Variants in VSIG4 observed in about 807,000 individuals in gnomAD.
The protein encoded by VSIG4 is V-set and immunoglobulin domain-containing protein 4.
In VSIG4, 34 loss-of-function variants were observed where a neutral mutation model predicts 23.4. The ratio of observed to expected loss-of-function variants is 1.45; its 90% CI spans 1.10 to 1.93. The LOEUF (loss-of-function observed/expected upper bound fraction) is 1.93. Ranked by LOEUF, VSIG4 falls within the 30% of genes most tolerant of loss-of-function variation. VSIG4 has a pLI of 0.00. For missense variants in VSIG4, 433 were observed against 310.8 expected, an observed-to-expected ratio of 1.39 and a Z score of -2.96; for synonymous variants, 169 against 120.3, an observed-to-expected ratio of 1.41 and a Z score of -2.65.
intron 1 of VSIG4, among the ~76,000 whole-genome samples, chrX:66,039,293 CTA>C (rs2085656137): frequency 8.9e-6 from 1 of 111,807 alleles, no homozygotes; most frequent in Non-Finnish European, 1.9e-5. Context: ...AAGGAAGCAT[CTA>C]TGTTCTGTGT....
chrX:66,033,790 A>G lies in VSIG4; in HGVS notation c.96T>C (p.Pro32=). The change falls in exon 2 of 8, where the codon CCT becomes CCC. Residue 32 remains proline, a synonymous_variant. Coordinates refer to ENST00000374737, the MANE Select transcript of VSIG4 (RefSeq NM_007268.3). ...ILEVPESVTG[P]WKGDVNLPCT... ...AGGGAAGATTCACATCCCCTTTCCA[A>G]GGTCCTGTTACACTCTCTGGCACTT... 8.3e-7 allele frequency: 1 copy of G among 1,210,489 alleles called. No individual in the cohort carries two copies. Among genetic ancestry groups the G allele is most frequent in the South Asian group, 1.8e-5 (1 of 56,803 alleles).
At chrX:66,025,181 A>C in intron 5 of VSIG4, 52 bp from the exon 6 acceptor site, 2 of 916,109 alleles carry the variant, frequency 2.2e-6, no homozygotes, top group Non-Finnish European at 3.0e-6. Context: ...AAGGCCAGAA[A>C]CAAAAACTCT....
At chrX:66,029,789 G>C (rs918294723) in intron 3 of VSIG4, among the ~76,000 whole-genome samples, 1 of 111,132 alleles carries the variant, frequency 9.0e-6, no homozygotes, top group African/African-American at 3.3e-5. Context: ...TGAGGAACAG[G>C]TTTGGTGAGT....
At chrX:66,036,079 G>A (rs2085535102) in intron 1 of VSIG4, among the ~76,000 whole-genome samples, 1 of 111,477 alleles carries the variant, frequency 9.0e-6, no homozygotes, top group South Asian at 3.7e-4. Context: ...GAATGAATAG[G>A]ACAGAGTTGG....
At chrX:66,034,213 A>T (rs2085505778) in intron 1 of VSIG4, among the ~76,000 whole-genome samples, 1 of 112,259 alleles carries the variant, frequency 8.9e-6, no homozygotes, top group Non-Finnish European at 1.9e-5. Context: ...ATCCATGAAA[A>T]AATTTTCTTT....
chrX:66,037,757 CGTATATATACTTATTGCTGATAA>C (rs1444300095), intron 1 of VSIG4, among the ~76,000 whole-genome samples: 53 of 80,183 alleles, frequency 6.6e-4, no homozygotes, highest in Admixed American at 5.0e-3. Context: ...ATTACTGATA[CGTATATATACTTATTGCTGATAA>C]GTATATATAC....
intron 5 of VSIG4, among the ~76,000 whole-genome samples, chrX:66,026,485 A>G (rs749073273): frequency 1.8e-5 from 2 of 111,813 alleles, no homozygotes; most frequent in Non-Finnish European, 3.8e-5. Flanking sequence ...GCAATTTCTA[A>G]CTTCTCTTCT....
Position 66,032,534 on chromosome X carries a change from A to C in VSIG4, c.628T>G (p.Phe210Val), listed in dbSNP as rs1380903350. Reference protein sequence around the residue: ...PAVIADSGSYFCTAKGQVGSE... With the variant: ...PAVIADSGSYVCTAKGQVGSE... ...CCAACCTGGCCCTTGGCAGTGCAGA[A>C]ATAGGAGCCTGAGTCGGCTATCACC... The change falls in exon 3 of 8, where the codon TTC becomes GTC. Residue 210 changes from phenylalanine (F) to valine (V), a missense_variant. By Grantham distance (50) the Phe-to-Val change is conservative. Transcript: ENST00000374737. The C allele has an allele frequency of 3.3e-6, 4 of 1,210,341 alleles. No individual in the cohort carries two copies. Among genetic ancestry groups the C allele is most frequent in the South Asian group, 3.5e-5 (2 of 56,849 alleles).
At chrX:66,036,087 T>C (rs1452295488) in intron 1 of VSIG4, among the ~76,000 whole-genome samples, 1 of 111,851 alleles carries the variant, frequency 8.9e-6, no homozygotes, top group Non-Finnish European at 1.9e-5. Flanking sequence ...AGGACAGAGT[T>C]GGTAACTAGA....
chrX:66,025,910 C>T (rs899052434), intron 5 of VSIG4, among the ~76,000 whole-genome samples: 8 of 112,201 alleles, frequency 7.1e-5, no homozygotes, highest in Admixed American at 5.7e-4. Flanking sequence ...GGGAACATAG[C>T]CTTGCTGACT....
At chrX:66,031,534 C>T (rs1382618969) in intron 3 of VSIG4, among the ~76,000 whole-genome samples, 5 of 110,543 alleles carry the variant, frequency 4.5e-5, no homozygotes, top group South Asian at 3.9e-4. Flanking sequence ...GCTAGGTTTA[C>T]GCCCTCTCCT....
At position 66,039,541 on chromosome X, in the gene VSIG4, C is replaced by G. The variant is rs147184893; in HGVS notation, c.55+403G>C. On this transcript the variant is annotated intron_variant, in intron 1 of 7. Transcript: ENST00000374737. ...TCCTATCCAACTCTTAGAAAACACT[C>G]CTTCTTCGGGGGCTGTATATTTTAA... Among the ~76,000 whole-genome samples, 938 of 111,270 alleles carry G rather than the reference C, an allele frequency of 8.4e-3. 6 individuals carry two copies. The highest frequency in any genetic ancestry group is 0.014 in the Non-Finnish European group (754 of 53,006).
At chrX:66,036,176 T>G (rs1278961818) in intron 1 of VSIG4, among the ~76,000 whole-genome samples, 2 of 110,680 alleles carry the variant, frequency 1.8e-5, no homozygotes, top group Non-Finnish European at 1.9e-5. Context: ...TTCCACTCAT[T>G]GTTCCATTAT....
chrX:66,039,976 A>C lies in VSIG4; in HGVS notation c.23T>G (p.Leu8Arg). Residue 8 changes from leucine (L) to arginine (R), a missense_variant, in exon 1 of 8, where the codon CTA (leucine) becomes CGA (arginine). Transcript: ENST00000374737. Reference protein sequence around the residue: MGILLGLLLLGHLTVDTY... With the variant: MGILLGLRLLGHLTVDTY... ...GTCCACTGTTAGGTGCCCCAGGAGT[A>C]GCAGGCCCAGTAAGATCCCCATCAC... 1 of 1,211,710 alleles carries C rather than the reference A, an allele frequency of 8.3e-7. No homozygotes were observed. Among genetic ancestry groups the C allele is most frequent in the South Asian group, 1.8e-5 (1 of 56,964 alleles).
Position 66,033,525 on chromosome X carries a change from C to T in VSIG4, c.361G>A (p.Asp121Asn), listed in dbSNP as rs773781706. ...TTATCTCTCACGACTTGGTTGCCAT[C>T]AGGAGTCTGCCAGGTGACTTCACAC... Reference protein sequence around the residue: ...YTCEVTWQTPDGNQVVRDKIT... With the variant: ...YTCEVTWQTPNGNQVVRDKIT... The change falls in exon 2 of 8, where the codon GAT (aspartate) becomes AAT (asparagine). Residue 121 changes from aspartate (D) to asparagine (N), a missense_variant. Transcript: ENST00000374737. 1 of 1,211,323 alleles carries T rather than the reference C, an allele frequency of 8.3e-7. No individual in the cohort carries two copies. Among genetic ancestry groups the T allele is most frequent in the Non-Finnish European group, 1.1e-6 (1 of 895,262 alleles).
chrX:66,035,509 G>T (rs2085526137), intron 1 of VSIG4, among the ~76,000 whole-genome samples: 1 of 111,201 alleles, frequency 9.0e-6, no homozygotes, highest in Non-Finnish European at 1.9e-5. Context: ...AATCTTAGGT[G>T]GTCAAGTGTT....
chrX:66,033,776 A>G lies in VSIG4; in HGVS notation c.110T>C (p.Val37Ala), dbSNP rs776177852. 9 of 1,211,080 alleles carry G rather than the reference A, an allele frequency of 7.4e-6. No individual in the cohort carries two copies. The highest frequency in any genetic ancestry group is 1.8e-5 in the South Asian group (1 of 56,885). Residue 37 changes from valine to alanine, a missense_variant, in exon 2 of 8, where the codon GTG becomes GCG. Coordinates refer to ENST00000374737, the MANE Select transcript of VSIG4 (RefSeq NM_007268.3). ...GGGGTCATAGGTGCAGGGAAGATTC[A>G]CATCCCCTTTCCAAGGTCCTGTTAC... is the stretch of plus-strand genomic sequence containing the variant. ...ESVTGPWKGDVNLPCTYDPLQ... is the reference protein window; with the variant it reads ...ESVTGPWKGDANLPCTYDPLQ...
chrX:66,036,162 T>C lies in VSIG4; in HGVS notation c.56-2332A>G, dbSNP rs1443774886. Among the ~76,000 whole-genome samples, 6 of 110,944 alleles carry C rather than the reference T, an allele frequency of 5.4e-5. No homozygotes were observed. The East Asian group carries it at 1.7e-3, about 31-fold the overall frequency. ...TTTCCTCTCCCTTCTTCCTCCTTTATTTCTTCCACTCATTGTTCCATTATG... is the reference window on the plus strand; with the variant it reads ...TTTCCTCTCCCTTCTTCCTCCTTTACTTCTTCCACTCATTGTTCCATTATG... On this transcript the variant is annotated intron_variant, in intron 1 of 7. Coordinates refer to ENST00000374737, the MANE Select transcript of VSIG4 (RefSeq NM_007268.3).
intron 1 of VSIG4, among the ~76,000 whole-genome samples, chrX:66,039,004 T>C (rs2085652897): frequency 9.0e-6 from 1 of 111,678 alleles, no homozygotes; most frequent in African/African-American, 3.3e-5. Context: ...AAAATCCATC[T>C]CACTTCTCAG....
Sources: allele counts gnomAD v4.1 joint callset (sites outside exome capture counted in the v4.1 genomes callset), GRCh38; gene constraint gnomAD v4.1.1; transcripts MANE v1.5; gene names NCBI Gene and HGNC (gene_info 2026-07-23, HGNC 2026-07-21).